STX12: variants seen among roughly 807,000 people sequenced by gnomAD.
The protein encoded by STX12 is syntaxin 12.
A neutral mutation model predicts 42.2 loss-of-function variants in STX12; 17 were observed. The observed-to-expected ratio is 0.40, with a 90% CI of 0.28 to 0.60. The LOEUF (loss-of-function observed/expected upper bound fraction) is 0.60. Ranked by LOEUF, STX12 falls within the 20% of genes least tolerant of loss-of-function variation. The probability of loss-of-function intolerance (pLI) is 0.39; values close to 1 mark genes in which losing one functional copy is unlikely to be tolerated. For missense variants in STX12, 297 were observed against 330.9 expected (o/e 0.90, Z 0.79); for synonymous variants, 108 against 116.7 (o/e 0.93, Z 0.48).
At chr1:27,807,143 A>C (rs1306303269) in intron 4 of STX12, among the ~76,000 whole-genome samples, 1 of 152,186 alleles carries the variant, frequency 6.6e-6, no homozygotes. Context: ...GTAATGTGTA[A>C]TAATTACACC....
At chr1:27,781,301 C>T (rs1399114989) in intron 1 of STX12, among the ~76,000 whole-genome samples, 3 of 152,114 alleles carry the variant, frequency 2.0e-5, no homozygotes, top group Non-Finnish European at 4.4e-5. Flanking sequence ...ACTGCAGCCT[C>T]CCAAAGTGCT....
chr1:27,797,121 A>T (rs866047116), intron 3 of STX12, among the ~76,000 whole-genome samples: 4 of 151,248 alleles, frequency 2.6e-5, no homozygotes, highest in South Asian at 2.1e-4. Context: ...TCTGCACTCC[A>T]GTGAGCAAAG....
intron 1 of STX12, chr1:27,773,840 G>C (rs1427935208): frequency 5.3e-6 from 1 of 190,160 alleles, no homozygotes; most frequent in Non-Finnish European, 1.1e-5. Flanking sequence ...GTTGTTTACT[G>C]ATTTAGCCTT....
intron 6 of STX12, among the ~76,000 whole-genome samples, chr1:27,813,062 T>G (rs2088915864): frequency 6.6e-6 from 1 of 152,180 alleles, no homozygotes; most frequent in Admixed American, 6.5e-5. Flanking sequence ...ATCCCTTCAG[T>G]GAGTCAGAGA....
chr1:27,778,727 C>T (rs1265791499), intron 1 of STX12, among the ~76,000 whole-genome samples: 1 of 151,410 alleles, frequency 6.6e-6, no homozygotes, highest in Non-Finnish European at 1.5e-5. Context: ...AACAGCATTT[C>T]TGTTCTTTAT....
intron 1 of STX12, among the ~76,000 whole-genome samples, chr1:27,778,926 G>A (rs1272054214): frequency 1.3e-5 from 2 of 152,126 alleles, no homozygotes; most frequent in Non-Finnish European, 1.5e-5. Context: ...CGCCTGGCAA[G>A]TTGTAAAAGT....
chr1:27,821,351 C>T (rs1171152217), intron 8 of STX12, among the ~76,000 whole-genome samples: 1 of 152,048 alleles, frequency 6.6e-6, no homozygotes, highest in Non-Finnish European at 1.5e-5. Context: ...TACATCCACT[C>T]ATTGTTGCAT....
Position 27,773,272 on chromosome 1 carries a change from G to T in STX12, c.-36G>T, listed in dbSNP as rs200152423. 5.6e-6 allele frequency: 8 copies of T among 1,417,434 alleles called. No homozygotes were observed. The highest frequency in any genetic ancestry group is 1.2e-5 in the South Asian group (1 of 83,746). 87.8% of individuals were successfully genotyped at this position (1,417,434 alleles called of 1,614,324 possible). On this transcript the variant is annotated 5_prime_UTR_variant, in exon 1 of 9. Coordinates refer to ENST00000373943, the MANE Select transcript of STX12 (RefSeq NM_177424.3). The stretch of plus-strand genomic sequence containing the variant: ...CGGCTGGCGGCTGCTTCCGGTAGGA[G>T]AGCGGTGTAGAGCGAGCAGGTCTCA...
Position 27,812,598 on chromosome 1 carries a change from C to T in STX12, c.576+330C>T, listed in dbSNP as rs1470550122. On this transcript the variant is annotated intron_variant, in intron 6 of 8. Transcript: ENST00000373943. ...CTGGGATTACAGGCATGTGCCACCA[C>T]GCCCAGCTAATTTTGTATTTTTAGT... Among the ~76,000 whole-genome samples, 11 of 152,090 alleles carry T rather than the reference C, an allele frequency of 7.2e-5. No homozygotes were observed. The South Asian group carries it at 1.5e-3, about 20-fold the overall frequency.
At chr1:27,793,473 TTCTGTG>T (rs2088763217) in intron 2 of STX12, 54 bp from the exon 3 acceptor site, 3 of 1,417,626 alleles carry the variant, frequency 2.1e-6, no homozygotes, top group African/African-American at 1.4e-5. Context: ...AACAAAGTGG[TTCTGTG>T]TATAACCCTC....
At chr1:27,804,019 C>CA (rs968906918) in intron 4 of STX12, among the ~76,000 whole-genome samples, 5 of 151,188 alleles carry the variant, frequency 3.3e-5, no homozygotes, top group South Asian at 2.1e-4. Flanking sequence ...AAAAACAAAA[C>CA]AAAAAAAACC....
intron 5 of STX12, among the ~76,000 whole-genome samples, chr1:27,811,547 G>C (rs2148606364): frequency 6.6e-6 from 1 of 152,120 alleles, no homozygotes. Flanking sequence ...ATGTTAGCCA[G>C]GTTGGTCTTG....
At chr1:27,811,264 C>T (rs751829326) in intron 5 of STX12, among the ~76,000 whole-genome samples, 79 of 138,948 alleles carry the variant, frequency 5.7e-4, no homozygotes, top group Non-Finnish European at 9.7e-4. Flanking sequence ...GTGAAGTAAG[C>T]GCCACTTCAC....
rs184927787 is a variant in STX12, at chr1:27,818,828, A to G, written c.650-822A>G. 3.3e-3 allele frequency among the ~76,000 whole-genome samples: 505 copies of G among 152,148 alleles called. 4 individuals are homozygous for G. Among genetic ancestry groups the G allele is most frequent in the African/African-American group, 0.011 (477 of 41,516 alleles). On this transcript the variant is annotated intron_variant, in intron 7 of 8. Transcript: ENST00000373943. ...GTTTTAGTAGAGACGGGGTTTCTCC[A>G]TGTTGGTCAGGCTGGTCTTGAACTC...
rs1398246549 is a variant in STX12, at chr1:27,812,178, C to T, written c.486C>T (p.Asn162=). The part of the protein sequence containing the change: ...LVSFDSHEEW[N]QMQSQEDEVA... ...TTCCCTGCAGCCATGAGGAGTGGAA[C>T]CAGATGCAGAGCCAGGAGGATGAGG... The change falls in exon 6 of 9, where the codon AAC becomes AAT. Residue 162 remains asparagine, a synonymous_variant. Coordinates refer to ENST00000373943, the MANE Select transcript of STX12 (RefSeq NM_177424.3). The T allele has an allele frequency of 1.3e-6, 2 of 1,557,078 alleles. No individual in the cohort carries two copies. Among genetic ancestry groups the T allele is most frequent in the East Asian group, 4.8e-5 (2 of 41,506 alleles).
At chr1:27,775,045 G>C (rs2088620278) in intron 1 of STX12, among the ~76,000 whole-genome samples, 1 of 152,174 alleles carries the variant, frequency 6.6e-6, no homozygotes, top group Non-Finnish European at 1.5e-5. Flanking sequence ...AGAAAGTATA[G>C]TACTGTTTGT....
At chr1:27,787,428 G>T (rs1414883036) in intron 1 of STX12, among the ~76,000 whole-genome samples, 2 of 152,142 alleles carry the variant, frequency 1.3e-5, no homozygotes, top group Non-Finnish European at 2.9e-5. Flanking sequence ...GGAGGCCGAG[G>T]CGGGTGGATT....
intron 6 of STX12, among the ~76,000 whole-genome samples, chr1:27,815,889 A>G (rs192746875): frequency 2.6e-5 from 4 of 152,306 alleles, no homozygotes; most frequent in Non-Finnish European, 5.9e-5. Context: ...AAAAACTCAA[A>G]TATAGGCCAG....
At chr1:27,789,498 A>C in intron 1 of STX12, 64 bp from the exon 2 acceptor site, 1 of 1,220,426 alleles carries the variant, frequency 8.2e-7, no homozygotes, top group Non-Finnish European at 1.2e-6. Context: ...GAATCTTAGA[A>C]GTAGGGTACT....
Sources: gnomAD v4.1 joint callset for allele counts (sites outside exome capture counted in the v4.1 genomes callset) on GRCh38, gnomAD v4.1.1 for gene constraint, MANE v1.5 for transcripts, NCBI Gene and HGNC (gene_info 2026-07-23, HGNC 2026-07-21) for gene names.